The following GPR55 variants were observed in gnomAD, a reference collection of about 807,000 sequenced individuals.
The protein encoded by GPR55 is G-protein coupled receptor 55.
Under a neutral mutation model 7.9 loss-of-function variants are expected in GPR55, and 6 were observed. The ratio of observed to expected loss-of-function variants is 0.76; its 90% confidence interval spans 0.41 to 1.49. The LOEUF (loss-of-function observed/expected upper bound fraction) is 1.49, where lower values mean the gene tolerates loss of function less well. Ranked by LOEUF, GPR55 falls within the 40% of genes most tolerant of loss-of-function variation. GPR55 has a pLI of 0.01. For missense variants in GPR55, 376 were observed against 406.0 expected, an observed-to-expected ratio of 0.93 and a Z score of 0.63; for synonymous variants, 183 against 166.8, an observed-to-expected ratio of 1.10 and a Z score of -0.75.
At chr2:230,916,438 C>A (rs991895987) in intron 1 of GPR55, among the ~76,000 whole-genome samples, 10 of 151,614 alleles carry the variant, frequency 6.6e-5, no homozygotes, top group Non-Finnish European at 1.3e-4. Flanking sequence ...GTGGGAGGAT[C>A]GCTTGAGCCC....
At chr2:230,926,442 G>A (rs1485587863), upstream of GPR55, among the ~76,000 whole-genome samples, 1 of 152,212 alleles carries the variant, frequency 6.6e-6, no homozygotes, top group Non-Finnish European at 1.5e-5. Context: ...CTAAGCCAAA[G>A]GCTGGCTACT....
intron 1 of GPR55, among the ~76,000 whole-genome samples, chr2:230,916,723 C>T (rs1292831102): frequency 6.6e-6 from 1 of 151,728 alleles, no homozygotes; most frequent in African/African-American, 2.4e-5. Context: ...TCAATAATTA[C>T]AGAAATATGT....
chr2:230,954,204 A>T (rs1035438578), intron 1 of GPR55, among the ~76,000 whole-genome samples: 6 of 152,228 alleles, frequency 3.9e-5, no homozygotes, highest in Non-Finnish European at 5.9e-5. Flanking sequence ...GACCACGTGC[A>T]TCCTTGCACC....
chr2:230,945,762 CG>C (rs1161287659), intron 1 of GPR55, among the ~76,000 whole-genome samples: 4 of 152,104 alleles, frequency 2.6e-5, no homozygotes, highest in Non-Finnish European at 5.9e-5. Flanking sequence ...TTTGTAGAGA[CG>C]GGGTTTCACC....
At chr2:230,947,784 C>A (rs1047268636) in intron 1 of GPR55, among the ~76,000 whole-genome samples, 4 of 152,010 alleles carry the variant, frequency 2.6e-5, no homozygotes, top group Non-Finnish European at 5.9e-5. Context: ...TTACAAGTGT[C>A]GACCACCACA....
At chr2:230,956,921 CTT>C (rs74270934) in intron 1 of GPR55, among the ~76,000 whole-genome samples, 13 of 145,736 alleles carry the variant, frequency 8.9e-5, no homozygotes, top group East Asian at 6.0e-4. Flanking sequence ...TCAGATTAAC[CTT>C]TTTTTTTTTT....
chr2:230,929,161 C>T (rs1690991135), upstream of GPR55, among the ~76,000 whole-genome samples: 1 of 152,096 alleles, frequency 6.6e-6, no homozygotes, highest in African/African-American at 2.4e-5. Context: ...CCACCAAGCC[C>T]CACTTAAACA....
At chr2:230,945,346 A>G (rs1043378328) in intron 1 of GPR55, among the ~76,000 whole-genome samples, 1 of 147,196 alleles carries the variant, frequency 6.8e-6, no homozygotes, top group Non-Finnish European at 1.5e-5. Context: ...GAGGATTCCA[A>G]TTATTTGCTG....
chr2:230,936,782 T>A (rs1213456415), intron 1 of GPR55, among the ~76,000 whole-genome samples: 1 of 152,224 alleles, frequency 6.6e-6, no homozygotes, highest in Admixed American at 6.5e-5. Context: ...TGATGACAGT[T>A]GTCTTAACAC....
At chr2:230,933,267 C>T (rs956043355) in intron 1 of GPR55, among the ~76,000 whole-genome samples, 18 of 152,192 alleles carry the variant, frequency 1.2e-4, no homozygotes, top group Non-Finnish European at 2.2e-4. Flanking sequence ...CCCTTCTGGC[C>T]TTTCTCTGGC....
At chr2:230,921,944 C>T (rs1690847676) in intron 1 of GPR55, among the ~76,000 whole-genome samples, 1 of 152,194 alleles carries the variant, frequency 6.6e-6, no homozygotes, top group South Asian at 2.1e-4. Context: ...TTCACAGGGT[C>T]AGAAAAGGAA....
intron 1 of GPR55, among the ~76,000 whole-genome samples, chr2:230,917,738 C>A (rs1440688174): frequency 1.3e-5 from 2 of 151,982 alleles, no homozygotes; most frequent in Non-Finnish European, 2.9e-5. Context: ...TGGCTTGAGT[C>A]CAGGAGGTCG....
intron 1 of GPR55, among the ~76,000 whole-genome samples, chr2:230,953,286 G>T (rs1196973952): frequency 6.6e-6 from 1 of 152,214 alleles, no homozygotes; most frequent in Non-Finnish European, 1.5e-5. Flanking sequence ...AATTAAGGTT[G>T]TCAATGGAAT....
Position 230,910,148 on chromosome 2 carries a change from A to G in GPR55, c.815T>C (p.Leu272Ser). The change falls in exon 2 of 2, where the codon TTG becomes TCG. Residue 272 changes from leucine (L) to serine (S), a missense_variant. Transcript: ENST00000650999. This position sits in a 1 kb window ranked among gnomAD's most constrained non-coding sequence, Gnocchi z 5.4. ...AKQSISFFLQ[L>S]SMCFSNVNCC... ...GTTGACGTTGGAGAAACACATGGAC[A>G]ATTGCAAGAAGAAGCTGATGCTCTG... is the stretch of plus-strand genomic sequence containing the variant. 6.2e-7 allele frequency: 1 copy of G among 1,614,200 alleles called. No homozygotes were observed. Among genetic ancestry groups the G allele is most frequent in the South Asian group, 1.1e-5 (1 of 91,080 alleles).
chr2:230,941,030 T>G (rs1691218313), intron 1 of GPR55, among the ~76,000 whole-genome samples: 2 of 151,850 alleles, frequency 1.3e-5, no homozygotes, highest in South Asian at 4.2e-4. Context: ...GGCAGGAGAA[T>G]TGCTTGAACC....
rs769138092 is a variant in GPR55 at position 230,910,849 on chromosome 2, G to A, written c.114C>T (p.Asn38=). Residue 38 remains asparagine (N), a synonymous_variant, in exon 2 of 2, where the codon AAC becomes AAT. Transcript: ENST00000650999. This position sits in a 1 kb window ranked among gnomAD's most constrained non-coding sequence, Gnocchi z 5.4. ...IPTFVLGLLL[N]LLAIHGFSTF... ...TGCTGAAGCCATGGATGGCCAGCAGGTTGAGGAGCAGGCCCAGGACGAAGG... is the reference window on the plus strand; with the variant it reads ...TGCTGAAGCCATGGATGGCCAGCAGATTGAGGAGCAGGCCCAGGACGAAGG... 6.8e-6 allele frequency: 11 copies of A among 1,614,158 alleles called. No homozygotes were observed. Among genetic ancestry groups the A allele is most frequent in the South Asian group, 6.6e-5 (6 of 91,080 alleles).
chr2:230,933,860 G>C lies in GPR55; in HGVS notation c.-134-22764C>G, dbSNP rs1005121422. 3.9e-5 allele frequency among the ~76,000 whole-genome samples: 6 copies of C among 152,300 alleles called. No individual in the cohort carries two copies. In the South Asian group the frequency reaches 1.0e-3, roughly 26 times the overall value. On this transcript the variant is annotated intron_variant, in intron 1 of 1. Transcript: ENST00000392039. The stretch of plus-strand genomic sequence containing the variant: ...TGGGGGTGGGAGATGCAGGATGCAG[G>C]GGATGTGTCCGCTAGGAGAGGCATT...
intron 1 of GPR55, among the ~76,000 whole-genome samples, chr2:230,919,774 C>T (rs772756590): frequency 6.6e-6 from 1 of 152,070 alleles, no homozygotes; most frequent in South Asian, 2.1e-4. Flanking sequence ...TACCACATTA[C>T]TTTTTTTCTA....
chr2:230,939,080 T>G (rs893650163), intron 1 of GPR55, among the ~76,000 whole-genome samples: 4 of 152,156 alleles, frequency 2.6e-5, no homozygotes, highest in African/African-American at 4.8e-5. Flanking sequence ...TAGCCAACAA[T>G]GAGCACTCGC....
Sources: allele counts gnomAD v4.1 joint callset (sites outside exome capture counted in the v4.1 genomes callset), GRCh38; gene constraint gnomAD v4.1.1; non-coding constraint Gnocchi (gnomAD v3.1); transcripts MANE v1.5; gene names NCBI Gene and HGNC (gene_info 2026-07-23, HGNC 2026-07-21).